The following EIF1 variants were observed in gnomAD, a reference collection of about 807,000 sequenced individuals.
The protein encoded by EIF1 is eukaryotic translation initiation factor 1, also known as protein translation factor SUI1 homolog.
In EIF1, 4 loss-of-function variants were observed where a neutral mutation model predicts 13.7. The ratio of observed to expected loss-of-function variants is 0.29; its 90% CI spans 0.14 to 0.67. The LOEUF (loss-of-function observed/expected upper bound fraction) is 0.67, where lower values mean the gene tolerates loss of function less well. EIF1 is among the 30% of genes least tolerant of loss of function. EIF1 has a pLI of 0.77. For missense variants in EIF1, 64 were observed against 138.0 expected (o/e 0.46, Z 2.69); for synonymous variants, 67 against 50.7 (o/e 1.32, Z -1.37).
At position 41,690,392 on chromosome 17, in the gene EIF1, C is replaced by T. The variant is rs1182784494; in HGVS notation, c.297+203C>T. On this transcript the variant is annotated intron_variant, in intron 3 of 3. Transcript: ENST00000469257. ...CCTTTGGTTTACTGTTTCTGTGGAT[C>T]TACTTCACAGATGCAAATTTGAATA... The T allele has an allele frequency of 7.0e-6, 4 of 574,852 alleles. No homozygotes were observed. In the African/African-American group the frequency reaches 7.5e-5, roughly 11 times the overall value. The allele number at this position is 574,852 out of a possible 1,614,324, so 35.6% of individuals were successfully genotyped here. A position where few individuals can be genotyped will look rare whatever the true frequency, so the allele number is the denominator to read the frequency against.
intron 1 of EIF1, chr17:41,689,459 G>T (rs972140863): frequency 8.9e-5 from 41 of 462,680 alleles, no homozygotes; most frequent in Non-Finnish European, 1.5e-4. Context: ...GGGGGTGGGA[G>T]GCTTAGCCCC....
At chr17:41,689,284 G>A (rs1418515123) in intron 1 of EIF1, 26 of 613,694 alleles carry the variant, frequency 4.2e-5, no homozygotes, top group African/African-American at 3.7e-4. Flanking sequence ...GCCCTTGGGC[G>A]GGCCCGGCGT....
chr17:41,689,251 C>G (rs1295267170), intron 1 of EIF1, 182 bp downstream of exon 1: 1 of 690,638 alleles, frequency 1.4e-6, no homozygotes, highest in Non-Finnish European at 2.4e-6. Context: ...TGAGCGCGAC[C>G]GGAAGGAGCA....
intron 1 of EIF1, 183 bp downstream of exon 1, chr17:41,689,252 G>T: frequency 1.5e-6 from 1 of 681,514 alleles, no homozygotes; most frequent in South Asian, 1.8e-5. Context: ...GAGCGCGACC[G>T]GAAGGAGCAG....
rs1910329706 is a variant in EIF1 at position 41,690,165 on chromosome 17, G to A, written c.273G>A (p.Lys91=). Residue 91 remains lysine, a synonymous_variant, in exon 3 of 4, where the codon AAG becomes AAA. Transcript: ENST00000469257. Reference sequence around the variant, plus strand: ...TTCAGCTACAGGGTGACCAACGCAAGAACATATGCCAGTTCCTCGTAGAGG... The same window carrying A: ...TTCAGCTACAGGGTGACCAACGCAAAAACATATGCCAGTTCCTCGTAGAGG... ...EVIQLQGDQR[K]NICQFLVEIG... The A allele has an allele frequency of 6.2e-7, 1 of 1,614,122 alleles. No individual in the cohort carries two copies. Among genetic ancestry groups the A allele is most frequent in the Non-Finnish European group, 8.5e-7 (1 of 1,179,988 alleles).
At chr17:41,689,319 T>A in intron 1 of EIF1, 1 of 588,090 alleles carries the variant, frequency 1.7e-6, no homozygotes, top group South Asian at 2.0e-5. Flanking sequence ...TACTAATGGC[T>A]CCTGGGCCTC....
intron 3 of EIF1, chr17:41,690,429 C>G (rs1000229444): frequency 5.4e-6 from 3 of 553,814 alleles, no homozygotes; most frequent in Admixed American, 3.5e-5. Context: ...CATATAGATG[C>G]ATTGTAAAAT....
rs1182818953 is a variant in EIF1, at chr17:41,691,037, T to C, written c.*211T>C. 5.1e-6 allele frequency: 3 copies of C among 584,474 alleles called. No homozygotes were observed. Among genetic ancestry groups the C allele is most frequent in the South Asian group, 4.4e-5 (2 of 45,782 alleles). 36.2% of individuals were successfully genotyped at this position (584,474 alleles called of 1,614,324 possible). On this transcript the variant is annotated 3_prime_UTR_variant, in exon 4 of 4. Coordinates refer to ENST00000469257, the MANE Select transcript of EIF1 (RefSeq NM_005801.4). ...TTGAAGTCCCTCATTTAAACAGAGG[T>C]CAAGCAATAGGCGCCTGGCAGTGTC... is the stretch of plus-strand genomic sequence containing the variant.
chr17:41,689,104 G>T, intron 1 of EIF1, 35 bp downstream of exon 1: 1 of 1,611,578 alleles, frequency 6.2e-7, no homozygotes. Context: ...CCCGGGTGGG[G>T]CAGCGGGGCC....
In EIF1 at chr17:41,692,317, T is replaced by A. The variant is rs968824067; in HGVS notation, c.*1491T>A. The A allele has an allele frequency of 6.6e-6, 1 of 152,220 alleles. No homozygotes were observed. Among genetic ancestry groups the A allele is most frequent in the Non-Finnish European group, 1.5e-5 (1 of 68,044 alleles). 9.4% of individuals were successfully genotyped at this position (152,220 alleles called of 1,614,324 possible). On this transcript the variant is annotated 3_prime_UTR_variant, in exon 4 of 4. Coordinates refer to ENST00000469257, the MANE Select transcript of EIF1 (RefSeq NM_005801.4). ...ATGTGTATACTCTGGGTAGTAAGTT[T>A]GTAGTATTAGAAGGTTTAATGACAA...
At position 41,689,746 on chromosome 17, in the gene EIF1, C is replaced by G. The variant is rs373663307; in HGVS notation, c.32-32C>G. 3.9e-6 allele frequency: 6 copies of G among 1,554,064 alleles called. No homozygotes were observed. The African/African-American group carries it at 8.3e-5, about 21-fold the overall frequency. ...GATGGCAGTGGCATCCTATCTTTGA[C>G]AGCTCTGAACGAGCTTAACCTTTTT... On this transcript the variant is annotated intron_variant, in intron 1 of 3. Transcript: ENST00000469257.
chr17:41,689,193 AG>A (rs1445049167), intron 1 of EIF1, 124 bp downstream of exon 1: 1 of 1,135,742 alleles, frequency 8.8e-7, no homozygotes, highest in African/African-American at 1.5e-5. Flanking sequence ...AAACTTGACC[AG>A]GGTCGCAGGG....
chr17:41,691,062 C>A lies in EIF1; in HGVS notation c.*236C>A, dbSNP rs944743382. 1.7e-6 allele frequency: 1 copy of A among 576,370 alleles called. No homozygotes were observed. The highest frequency in any genetic ancestry group is 2.2e-5 in the South Asian group (1 of 44,898). The allele number at this position is 576,370 out of a possible 1,614,324, so 35.7% of individuals were successfully genotyped here. A position where few individuals can be genotyped will look rare whatever the true frequency, so the allele number is the denominator to read the frequency against. On this transcript the variant is annotated 3_prime_UTR_variant, in exon 4 of 4. Transcript: ENST00000469257. Reference sequence around the variant, plus strand: ...TCAAGCAATAGGCGCCTGGCAGTGTCAAGCCTGAAACCAAGCAATACCGTC... The same window carrying A: ...TCAAGCAATAGGCGCCTGGCAGTGTAAAGCCTGAAACCAAGCAATACCGTC...
chr17:41,689,131 G>T (rs1183711373), intron 1 of EIF1, 62 bp downstream of exon 1: 10 of 1,585,770 alleles, frequency 6.3e-6, no homozygotes, highest in Middle Eastern at 1.7e-4. Flanking sequence ...GCCCGGAGAC[G>T]TGTTCCGGGA....
rs989722164 is a variant in EIF1 at position 41,691,874 on chromosome 17, G to C, written c.*1048G>C. The C allele has an allele frequency of 3.3e-5, 5 of 152,166 alleles. No homozygotes were observed. The highest frequency in any genetic ancestry group is 3.3e-4 in the Admixed American group (5 of 15,262). 9.4% of individuals were successfully genotyped at this position (152,166 alleles called of 1,614,324 possible). A position where few individuals can be genotyped will look rare whatever the true frequency, so the allele number is the denominator to read the frequency against. On this transcript the variant is annotated 3_prime_UTR_variant, in exon 4 of 4. Coordinates refer to ENST00000469257, the MANE Select transcript of EIF1 (RefSeq NM_005801.4). Reference sequence around the variant, plus strand: ...GGCTGGAGTGCAGTGGCACAATCTCGGCTCACTGCAACCTCCACCTCAGGT... The same window carrying C: ...GGCTGGAGTGCAGTGGCACAATCTCCGCTCACTGCAACCTCCACCTCAGGT...
chr17:41,691,666 A>G lies in EIF1; in HGVS notation c.*840A>G, dbSNP rs1567767475. ...GAAATACCTGACTTGCAGATTATTT[A>G]TATATAGTCGATCTTGTGCATATAA... On this transcript the variant is annotated 3_prime_UTR_variant, in exon 4 of 4. Transcript: ENST00000469257. The G allele has an allele frequency of 6.6e-6, 1 of 152,378 alleles. No individual in the cohort carries two copies. The highest frequency in any genetic ancestry group is 1.5e-5 in the Non-Finnish European group (1 of 67,902). The allele number at this position is 152,378 out of a possible 1,614,324, so 9.4% of individuals were successfully genotyped here. A position where few individuals can be genotyped will look rare whatever the true frequency, so the allele number is the denominator to read the frequency against.
At chr17:41,690,406 C>T (rs558684811) in intron 3 of EIF1, 2 of 571,296 alleles carry the variant, frequency 3.5e-6, no homozygotes, top group South Asian at 4.6e-5. Context: ...TTCACAGATG[C>T]AAATTTGAAT....
At chr17:41,690,015 A>G (rs1898367666) in intron 2 of EIF1, 73 bp from the exon 3 acceptor site, 14 of 1,610,746 alleles carry the variant, frequency 8.7e-6, no homozygotes, top group Non-Finnish European at 1.1e-5. Context: ...TGTTGTATGT[A>G]TTGTTAGCGG....
rs1282201296 is a variant in EIF1, at chr17:41,688,913, T to C, written c.-126T>C. On this transcript the variant is annotated 5_prime_UTR_variant, in exon 1 of 4. Transcript: ENST00000469257. ...CCAGTCACTGAGCCGCCGCCGAGGA[T>C]TCAGCAGCCTCCCCCTTGAGCCCCC... The C allele has an allele frequency of 2.1e-6, 2 of 943,050 alleles. No individual in the cohort carries two copies. The highest frequency in any genetic ancestry group is 1.6e-6 in the Non-Finnish European group (1 of 613,784). 58.4% of individuals were successfully genotyped at this position (943,050 alleles called of 1,614,324 possible). A position where few individuals can be genotyped will look rare whatever the true frequency, so the allele number is the denominator to read the frequency against.
Sources: allele counts gnomAD v4.1 joint callset, GRCh38; gene constraint gnomAD v4.1.1; transcripts MANE v1.5; gene names NCBI Gene and HGNC (gene_info 2026-07-23, HGNC 2026-07-21).